The following WFS1 variants were observed in gnomAD, a reference collection of about 807,000 sequenced individuals.
The protein encoded by WFS1 is wolframin ER transmembrane glycoprotein, also known as wolframin.
A neutral mutation model predicts 68.5 loss-of-function variants in WFS1; 90 were observed. The observed-to-expected ratio is 1.31, with a 90% CI of 1.11 to 1.56. The LOEUF (loss-of-function observed/expected upper bound fraction) is 1.56, where lower values mean the gene tolerates loss of function less well. WFS1 is among the 40% of genes most tolerant of loss of function. The pLI is 0.00. For missense variants in WFS1, 1,767 were observed against 1,232.6 expected, an observed-to-expected ratio of 1.43 and a Z score of -6.49; for synonymous variants, 860 against 540.7, an observed-to-expected ratio of 1.59 and a Z score of -8.19.
In WFS1 at chr4:6,283,593, C is replaced by A. The variant is rs1730224287; in HGVS notation, c.233-3500C>A. Among the ~76,000 whole-genome samples, 1 of 152,248 alleles carries A rather than the reference C, an allele frequency of 6.6e-6. No homozygotes were observed. Among genetic ancestry groups the A allele is most frequent in the Admixed American group, 6.5e-5 (1 of 15,284 alleles). ...GACCTTCCACAGTTCAAGCTGGCAT[C>A]CACGTGCCAAGATGAGCAGAAGGTG... On this transcript the variant is annotated intron_variant, in intron 2 of 7. Transcript: ENST00000226760. The surrounding 1 kb of genome is among the most constrained non-coding windows in gnomAD (Gnocchi z 5.0).
At position 6,287,142 on chromosome 4, in the gene WFS1, G is replaced by A. The variant is rs1730334478; in HGVS notation, c.282G>A (p.Arg94=). 2.6e-6 allele frequency: 4 copies of A among 1,561,124 alleles called. No homozygotes were observed. The highest frequency in any genetic ancestry group is 1.3e-5 in the African/African-American group (1 of 74,174). The part of the protein sequence containing the change: ...MEIPFEEVLE[R]AKAGDPKAQT... ...TCCCCTTTGAAGAAGTCCTGGAGAG[G>A]GCCAAGGCCGGGGACCCCAAGGCAC... Residue 94 remains arginine (R), a synonymous_variant, in exon 3 of 8, where the codon AGG becomes AGA. Transcript: ENST00000226760. The surrounding 1 kb of genome is among the most constrained non-coding windows in gnomAD (Gnocchi z 6.4).
At chr4:6,300,121 A>G (rs1324957070) in intron 7 of WFS1, among the ~76,000 whole-genome samples, 1 of 151,622 alleles carries the variant, frequency 6.6e-6, no homozygotes, top group African/African-American at 2.4e-5. Context: ...TCTGCACTGA[A>G]CTCCCTTTCC....
Position 6,272,318 on chromosome 4 carries a change from G to GT in WFS1, c.-6+2305dup, listed in dbSNP as rs546270460. Among the ~76,000 whole-genome samples, 974 of 152,360 alleles carry GT rather than the reference G, an allele frequency of 6.4e-3. 4 individuals are homozygous for GT. The highest frequency in any genetic ancestry group is 0.017 in the Middle Eastern group (5 of 294). On this transcript the variant is annotated intron_variant, in intron 1 of 7. Coordinates refer to ENST00000226760, the MANE Select transcript of WFS1 (RefSeq NM_006005.3). Reference sequence around the variant, plus strand: ...GCCAGGCCTGGAGCAGGTGCCAGGTGTGTGGTGGGGGCTTGGCCACTATGG... The same window carrying GT: ...GCCAGGCCTGGAGCAGGTGCCAGGTGTTGTGGTGGGGGCTTGGCCACTATGG...
chr4:6,292,234 G>C (rs1368720025), intron 6 of WFS1, among the ~76,000 whole-genome samples: 1 of 152,234 alleles, frequency 6.6e-6, no homozygotes, highest in Non-Finnish European at 1.5e-5. Flanking sequence ...CCCACCTGGA[G>C]CGCACGCACT....
intron 6 of WFS1, chr4:6,294,751 C>T (rs983596187): frequency 1.8e-5 from 8 of 442,552 alleles, no homozygotes; most frequent in Non-Finnish European, 3.4e-5. Flanking sequence ...GGGTGAGTGG[C>T]CCCAGGCATA....
In WFS1 at chr4:6,271,638, G is replaced by A. The variant is rs368774378; in HGVS notation, c.-6+1624G>A. ...AGCCACAAACCAGACCACCCCCTGT[G>A]CCCTTCATTCCTCACTCCCAGTTGG... On this transcript the variant is annotated intron_variant, in intron 1 of 7. Coordinates refer to ENST00000226760, the MANE Select transcript of WFS1 (RefSeq NM_006005.3). Among the ~76,000 whole-genome samples, 11 of 152,196 alleles carry A rather than the reference G, an allele frequency of 7.2e-5. 1 individual carries two copies. The highest frequency in any genetic ancestry group is 2.6e-4 in the African/African-American group (11 of 41,542).
At position 6,300,711 on chromosome 4, in the gene WFS1, A is replaced by C. The variant is rs1376193753; in HGVS notation, c.916A>C (p.Met306Leu). 6.2e-7 allele frequency: 1 copy of C among 1,613,922 alleles called. No homozygotes were observed. The highest frequency in any genetic ancestry group is 8.5e-7 in the Non-Finnish European group (1 of 1,179,988). The change falls in exon 8 of 8, where the codon ATG becomes CTG. Residue 306 changes from methionine (M) to leucine (L), a missense_variant. Coordinates refer to ENST00000226760, the MANE Select transcript of WFS1 (RefSeq NM_006005.3). Reference sequence around the variant, plus strand: ...GGAGATCAAGGAGTACCTGATTGACATGGCCTCCAGGGCAGGCATGCACTG... The same window carrying C: ...GGAGATCAAGGAGTACCTGATTGACCTGGCCTCCAGGGCAGGCATGCACTG... ...IMEIKEYLID[M>L]ASRAGMHWLS...
At chr4:6,279,986 C>A (rs1456413732) in intron 2 of WFS1, among the ~76,000 whole-genome samples, 2 of 152,260 alleles carry the variant, frequency 1.3e-5, no homozygotes, top group Non-Finnish European at 2.9e-5. Context: ...CATCCTGGCT[C>A]TGTGGCCTTG....
At chr4:6,296,951 A>T (rs1201204862) in intron 7 of WFS1, among the ~76,000 whole-genome samples, 2 of 152,130 alleles carry the variant, frequency 1.3e-5, no homozygotes, top group African/African-American at 4.8e-5. Context: ...CAGCCTCCCA[A>T]ATAGCTGGAC....
chr4:6,270,373 C>T (rs1298037896), intron 1 of WFS1, among the ~76,000 whole-genome samples: 1 of 151,492 alleles, frequency 6.6e-6, no homozygotes, highest in Non-Finnish European at 1.5e-5. Flanking sequence ...CCGAGTTGCC[C>T]CGTCATGCCC....
intron 1 of WFS1, among the ~76,000 whole-genome samples, chr4:6,275,108 C>T (rs369552861): frequency 3.9e-5 from 6 of 152,196 alleles, no homozygotes; most frequent in African/African-American, 7.2e-5. Context: ...CAGGGCCATA[C>T]GAGAAACTCA....
intron 1 of WFS1, among the ~76,000 whole-genome samples, chr4:6,272,699 C>T (rs1344869268): frequency 2.0e-5 from 3 of 152,198 alleles, no homozygotes; most frequent in Non-Finnish European, 2.9e-5. Flanking sequence ...AAAATGAAAC[C>T]GCGCATAAGC....
rs1730592229 is a variant in WFS1 at position 6,295,106 on chromosome 4, C to T, written c.778C>T (p.Pro260Ser). Residue 260 changes from proline (P) to serine (S), a missense_variant, in exon 7 of 8, where the codon CCC (proline) becomes TCC (serine). Pro to Ser is a moderately conservative substitution (Grantham distance 74). Coordinates refer to ENST00000226760, the MANE Select transcript of WFS1 (RefSeq NM_006005.3). ...TAAGAAGTACGCCAAGGGCGTCATC[C>T]CCAGCAGCCTGTTCCTGCAGGACGA... ...ITKKYAKGVI[P>S]SSLFLQDDED... is the part of the protein sequence containing the mutation. 1 of 1,613,498 alleles carries T rather than the reference C, an allele frequency of 6.2e-7. No homozygotes were observed. Among genetic ancestry groups the T allele is most frequent in the Non-Finnish European group, 8.5e-7 (1 of 1,180,034 alleles).
intron 4 of WFS1, among the ~76,000 whole-genome samples, chr4:6,290,251 TA>T: frequency 6.6e-6 from 1 of 152,260 alleles, no homozygotes; most frequent in East Asian, 1.9e-4. Flanking sequence ...TATCATATTT[TA>T]AGAGTTACAT....
At chr4:6,285,455 A>G (rs1378573651) in intron 2 of WFS1, among the ~76,000 whole-genome samples, 2 of 152,102 alleles carry the variant, frequency 1.3e-5, no homozygotes, top group Non-Finnish European at 2.9e-5. Flanking sequence ...TTGTCCATCC[A>G]CAGGGCTGGA....
intron 3 of WFS1, chr4:6,288,773 G>T (rs776854914): frequency 1.2e-5 from 8 of 669,254 alleles, no homozygotes; most frequent in Non-Finnish European, 2.1e-5. Flanking sequence ...TGTGGATGGG[G>T]TGGCCACACC....
At chr4:6,278,429 C>T (rs900135009) in intron 2 of WFS1, among the ~76,000 whole-genome samples, 2 of 152,238 alleles carry the variant, frequency 1.3e-5, no homozygotes, top group Non-Finnish European at 2.9e-5. Context: ...GAGGCTCAGT[C>T]CCAGCTCATC....
rs71537678 is a variant in WFS1, at chr4:6,300,774, C to A, written c.979C>A (p.Leu327Ile). ...TIIPTHHINALIFFFIVSNLT... is the reference protein window; with the variant it reads ...TIIPTHHINAIIFFFIVSNLT... Reference sequence around the variant, plus strand: ...CATCCCCACGCACCACATCAACGCGCTCATCTTCTTCTTCATCGTCAGCAA... The same window carrying A: ...CATCCCCACGCACCACATCAACGCGATCATCTTCTTCTTCATCGTCAGCAA... Residue 327 changes from leucine to isoleucine, a missense_variant, in exon 8 of 8, where the codon CTC becomes ATC. Leu to Ile is a conservative substitution (Grantham distance 5). Transcript: ENST00000226760. The A allele has an allele frequency of 4.3e-6, 7 of 1,614,048 alleles. No individual in the cohort carries two copies. The Middle Eastern group carries it at 8.2e-4, about 190-fold the overall frequency.
rs1390134411 is a variant in WFS1, at chr4:6,277,657, A to G, written c.202A>G (p.Thr68Ala). ...CCCCGCTGAACCCCAGGCCCAGCATACCAGGAGCCGGGAAAGAGCAGACGG... is the reference window on the plus strand; with the variant it reads ...CCCCGCTGAACCCCAGGCCCAGCATGCCAGGAGCCGGGAAAGAGCAGACGG... ...AAPAEPQAQH[T>A]RSRERADGTG... Residue 68 changes from threonine to alanine, a missense_variant, in exon 2 of 8, where the codon ACC becomes GCC. Transcript: ENST00000226760. 1.3e-6 allele frequency: 2 copies of G among 1,564,840 alleles called. No homozygotes were observed. The highest frequency in any genetic ancestry group is 1.9e-5 in the Admixed American group (1 of 53,024).
Sources: allele counts gnomAD v4.1 joint callset (sites outside exome capture counted in the v4.1 genomes callset), GRCh38; gene constraint gnomAD v4.1.1; non-coding constraint Gnocchi (gnomAD v3.1); transcripts MANE v1.5; gene names NCBI Gene and HGNC (gene_info 2026-07-23, HGNC 2026-07-21).